Variants in SPATS2 observed in about 807,000 individuals in gnomAD.
SPATS2 encodes the protein spermatogenesis-associated serine-rich protein 2.
Under a neutral mutation model 63.7 loss-of-function variants are expected in SPATS2, and 38 were observed. The ratio of observed to expected loss-of-function variants is 0.60; its 90% confidence interval spans 0.46 to 0.78. The LOEUF is 0.78. Ranked by LOEUF, SPATS2 falls within the 30% of genes least tolerant of loss-of-function variation. The probability of loss-of-function intolerance (pLI) is 0.00; values close to 1 mark genes in which losing one functional copy is unlikely to be tolerated. For synonymous variants in SPATS2, 207 were observed against 232.9 expected (o/e 0.89, Z 1.01); for missense variants, 588 against 666.2 (o/e 0.88, Z 1.29).
chr12:49,518,688 G>A (rs987620343), intron 10 of SPATS2, among the ~76,000 whole-genome samples: 3 of 152,168 alleles, frequency 2.0e-5, no homozygotes, highest in East Asian at 1.9e-4. Flanking sequence ...GTGAACAGTC[G>A]TTTCCCCTGG....
At chr12:49,447,341 C>A (rs932471811) in intron 2 of SPATS2, among the ~76,000 whole-genome samples, 1 of 152,152 alleles carries the variant, frequency 6.6e-6, no homozygotes, top group Non-Finnish European at 1.5e-5. Context: ...TGGGTTCAAG[C>A]GATTCTCTTG....
intron 2 of SPATS2, among the ~76,000 whole-genome samples, chr12:49,409,638 T>C (rs1367512833): frequency 1.4e-5 from 2 of 143,602 alleles, no homozygotes; most frequent in East Asian, 2.0e-4. Context: ...GTCTTCCCTG[T>C]GTCGCCCAGG....
At chr12:49,444,699 G>A (rs1042260595) in intron 2 of SPATS2, among the ~76,000 whole-genome samples, 3 of 151,974 alleles carry the variant, frequency 2.0e-5, no homozygotes, top group African/African-American at 7.3e-5. Context: ...TGCCTCCCAG[G>A]TTCAAGCGAT....
At chr12:49,497,275 C>A (rs141118597) in intron 8 of SPATS2, among the ~76,000 whole-genome samples, 1 of 152,192 alleles carries the variant, frequency 6.6e-6, no homozygotes, top group Non-Finnish European at 1.5e-5. Context: ...GAATGATTTA[C>A]CTGCTAACAT....
intron 2 of SPATS2, among the ~76,000 whole-genome samples, chr12:49,457,488 C>T (rs759099764): frequency 1.8e-4 from 27 of 151,762 alleles, no homozygotes; most frequent in Non-Finnish European, 3.8e-4. Flanking sequence ...GGCTGGAATG[C>T]AGTGGCGTGA....
At chr12:49,412,907 C>A (rs1592372525) in intron 2 of SPATS2, among the ~76,000 whole-genome samples, 1 of 152,100 alleles carries the variant, frequency 6.6e-6, no homozygotes, top group South Asian at 2.1e-4. Context: ...ATAAAAATAT[C>A]TTTTGCCATG....
chr12:49,379,653 T>A (rs1335321295), intron 2 of SPATS2, among the ~76,000 whole-genome samples: 3 of 148,648 alleles, frequency 2.0e-5, no homozygotes, highest in Non-Finnish European at 4.5e-5. Flanking sequence ...GACGGAGTCT[T>A]GCTCTGTTGC....
intron 1 of SPATS2, among the ~76,000 whole-genome samples, chr12:49,367,909 A>G (rs1037151320): frequency 4.6e-5 from 7 of 152,132 alleles, no homozygotes; most frequent in Non-Finnish European, 8.8e-5. Flanking sequence ...GATAGAACGA[A>G]AGAATAGGAT....
intron 3 of SPATS2, among the ~76,000 whole-genome samples, chr12:49,468,480 T>C (rs1054779236): frequency 1.3e-5 from 2 of 150,038 alleles, no homozygotes; most frequent in African/African-American, 4.9e-5. Context: ...TTTTTGTTTT[T>C]GTTTTTGTTT....
At chr12:49,509,273 CTTTTTTTTTTT>C (rs1186617900) in intron 9 of SPATS2, among the ~76,000 whole-genome samples, 230 of 77,818 alleles carry the variant, frequency 3.0e-3, no homozygotes, top group African/African-American at 0.013. Context: ...GTTCTAACTT[CTTTTTTTTTTT>C]TTTTTTTTTT....
At position 49,494,838 on chromosome 12, in the gene SPATS2, C is replaced by T. The variant is rs746861253; in HGVS notation, c.362C>T (p.Ala121Val). The T allele has an allele frequency of 5.0e-6, 8 of 1,613,634 alleles. No homozygotes were observed. The highest frequency in any genetic ancestry group is 1.3e-5 in the African/African-American group (1 of 74,824). ...KSVSIQEEQSAPSSEKGGMNG... is the reference protein window; with the variant it reads ...KSVSIQEEQSVPSSEKGGMNG... ...GTTTCCATTCAAGAGGAACAGTCTG[C>T]GCCTTCCTCAGAGAAAGGTGGTATG... is the stretch of plus-strand genomic sequence containing the variant. The change falls in exon 7 of 14, where the codon GCG becomes GTG. Residue 121 changes from alanine (A) to valine (V), a missense_variant. By Grantham distance (64) the Ala-to-Val change is moderately conservative (BLOSUM62 0). Coordinates refer to ENST00000552918, the MANE Select transcript of SPATS2 (RefSeq NM_023071.4).
chr12:49,490,656 A>G (rs768393107), intron 5 of SPATS2, 26 bp from the exon 6 acceptor site: 58 of 1,612,220 alleles, frequency 3.6e-5, no homozygotes, highest in Non-Finnish European at 2.5e-6. Flanking sequence ...GTAGGAGACA[A>G]AATCTGTAAT....
intron 2 of SPATS2, among the ~76,000 whole-genome samples, chr12:49,391,740 AT>A (rs1944422869): frequency 6.6e-6 from 1 of 152,106 alleles, no homozygotes; most frequent in South Asian, 2.1e-4. Context: ...TGAGTATATA[AT>A]TTTTTAAATA....
chr12:49,434,599 T>C (rs1207121137), intron 2 of SPATS2, among the ~76,000 whole-genome samples: 1 of 152,094 alleles, frequency 6.6e-6, no homozygotes, highest in East Asian at 1.9e-4. Context: ...ACAATAAGAG[T>C]GATAAGTTGA....
At chr12:49,504,605 T>A (rs1367154296) in intron 9 of SPATS2, among the ~76,000 whole-genome samples, 2 of 152,126 alleles carry the variant, frequency 1.3e-5, no homozygotes, top group African/African-American at 4.8e-5. Flanking sequence ...AGGTATTTTT[T>A]AAAAGGAGAA....
chr12:49,478,789 TTCTGGCCAGAAACC>T (rs1466019339), intron 3 of SPATS2, among the ~76,000 whole-genome samples: 1 of 152,216 alleles, frequency 6.6e-6, no homozygotes, highest in Non-Finnish European at 1.5e-5. Context: ...AGTGTCACTT[TTCTGGCCAGAAACC>T]TCTGTGGCCA....
At chr12:49,498,790 ATTT>A (rs147335434) in intron 8 of SPATS2, among the ~76,000 whole-genome samples, 2 of 95,096 alleles carry the variant, frequency 2.1e-5, no homozygotes, top group Admixed American at 2.2e-4. Flanking sequence ...TATGGTATCT[ATTT>A]TTTTTTTTTT....
intron 2 of SPATS2, among the ~76,000 whole-genome samples, chr12:49,426,792 C>T (rs1357722851): frequency 6.6e-6 from 1 of 152,246 alleles, no homozygotes; most frequent in Non-Finnish European, 1.5e-5. Flanking sequence ...ATCCTCCCGC[C>T]TCGGCCTCCC....
chr12:49,404,667 A>G (rs1944664138), intron 2 of SPATS2, among the ~76,000 whole-genome samples: 3 of 152,192 alleles, frequency 2.0e-5, no homozygotes, highest in Non-Finnish European at 4.4e-5. Context: ...TCGAGCAGCC[A>G]CAGGTATGCT....
Sources: allele counts gnomAD v4.1 joint callset (sites outside exome capture counted in the v4.1 genomes callset), GRCh38; gene constraint gnomAD v4.1.1; transcripts MANE v1.5; gene names NCBI Gene and HGNC (gene_info 2026-07-23, HGNC 2026-07-21).